The following TRIO variants were observed in gnomAD, a reference collection of about 807,000 sequenced individuals.
TRIO encodes the protein trio Rho guanine nucleotide exchange factor.
In TRIO, 58 loss-of-function variants were observed where a neutral mutation model predicts 351.9. The observed-to-expected ratio is 0.16, with a 90% CI of 0.13 to 0.21. TRIO has a LOEUF of 0.21. Among genes scored for constraint, TRIO ranks in the 10% least tolerant of loss-of-function variants. The pLI, the probability that TRIO is intolerant of heterozygous loss-of-function variation, is 1.00. For synonymous variants in TRIO, 1,758 were observed against 1,595.7 expected (o/e 1.10, Z -2.42); for missense variants, 3,201 against 4,027.8 (o/e 0.79, Z 5.56).
rs759847637 is a variant in TRIO at position 14,390,336 on chromosome 5, A to G, written c.4128+36A>G. On this transcript the variant is annotated intron_variant, in intron 26 of 56. Coordinates refer to ENST00000344204, the MANE Select transcript of TRIO (RefSeq NM_007118.4). ...CTCAACCATTTGTTCTCTCCCAGCT[A>G]TTAGGTGACGTTGAAGGAAGTTAGG... is the stretch of plus-strand genomic sequence containing the variant. 5.0e-6 allele frequency: 8 copies of G among 1,601,728 alleles called. No individual in the cohort carries two copies. The East Asian group carries it at 8.9e-5, about 18-fold the overall frequency.
At chr5:14,488,576 G>T in intron 48 of TRIO, 2 of 497,024 alleles carry the variant, frequency 4.0e-6, no homozygotes. Context: ...CCTTCCTCAC[G>T]CACCTATTTT....
At chr5:14,474,436 A>G (rs1579762357) in intron 40 of TRIO, among the ~76,000 whole-genome samples, 2 of 152,258 alleles carry the variant, frequency 1.3e-5, no homozygotes, top group East Asian at 3.9e-4. Context: ...CTTCATCTGC[A>G]CACCCACATT....
chr5:14,493,332 C>T (rs1756631027), intron 49 of TRIO, among the ~76,000 whole-genome samples: 1 of 151,902 alleles, frequency 6.6e-6, no homozygotes. Flanking sequence ...TTTGTGGCAA[C>T]CCTATGTCAA....
chr5:14,490,677 G>A (rs1756417009), intron 48 of TRIO: 2 of 398,236 alleles, frequency 5.0e-6, no homozygotes, highest in Admixed American at 5.7e-5. Context: ...GTGGGTTGGT[G>A]GTGAGAATTA....
chr5:14,378,898 A>T (rs1277732905), intron 20 of TRIO, among the ~76,000 whole-genome samples: 3 of 152,168 alleles, frequency 2.0e-5, no homozygotes, highest in Non-Finnish European at 2.9e-5. Context: ...AAAAGTGTTG[A>T]TGTATCAAGG....
chr5:14,359,586 A>G, intron 13 of TRIO, 55 bp downstream of exon 13: 1 of 1,588,340 alleles, frequency 6.3e-7, no homozygotes, highest in Non-Finnish European at 8.6e-7. Flanking sequence ...GGCTTCCTCC[A>G]CAGCACCGGC....
chr5:14,263,020 C>T (rs1208372319), intron 1 of TRIO, among the ~76,000 whole-genome samples: 1 of 152,184 alleles, frequency 6.6e-6, no homozygotes, highest in Non-Finnish European at 1.5e-5. Flanking sequence ...TCTATTGATG[C>T]TGCTTGCTCT....
At chr5:14,396,923 AG>A (rs1219535762) in intron 28 of TRIO, 119 bp from the exon 29 acceptor site, 3 of 758,300 alleles carry the variant, frequency 4.0e-6, no homozygotes, top group Non-Finnish European at 4.3e-6. Context: ...ACATATGCCC[AG>A]TTGACCACAT....
chr5:14,152,560 C>T (rs1023640130), intron 1 of TRIO, among the ~76,000 whole-genome samples: 12 of 152,116 alleles, frequency 7.9e-5, no homozygotes, highest in East Asian at 7.7e-4. Context: ...CTAGTAGAGA[C>T]GGGGTTTCAC....
chr5:14,440,861 T>G (rs1001415534), intron 34 of TRIO: 1 of 152,204 alleles, frequency 6.6e-6, no homozygotes, highest in Non-Finnish European at 1.5e-5. Flanking sequence ...GTAAGGAAAT[T>G]GCAGCTCTGG....
chr5:14,435,761 C>CT (rs141666736), intron 34 of TRIO, among the ~76,000 whole-genome samples: 1,574 of 152,322 alleles, frequency 0.01, 18 homozygotes, highest in Non-Finnish European at 0.017. Context: ...CCAGCTGTGG[C>CT]TATCAGGAGC....
intron 9 of TRIO, among the ~76,000 whole-genome samples, chr5:14,319,308 A>T (rs1224881855): frequency 2.0e-5 from 3 of 152,202 alleles, no homozygotes; most frequent in Non-Finnish European, 4.4e-5. Context: ...GTGAACAGGA[A>T]ATTGCTCTGT....
In TRIO at chr5:14,369,438, C is replaced by G. The variant is rs1228082689; in HGVS notation, c.3131C>G (p.Ala1044Gly). The G allele has an allele frequency of 6.2e-6, 10 of 1,613,822 alleles. No homozygotes were observed. The highest frequency in any genetic ancestry group is 8.5e-6 in the Non-Finnish European group (10 of 1,179,924). The change falls in exon 18 of 57, where the codon GCG becomes GGG. Residue 1044 changes from alanine (A) to glycine (G), a missense_variant. Physicochemically the swap from Ala to Gly is moderately conservative, Grantham distance 60 (BLOSUM62 0). This residue lies in a region of TRIO where 363 missense variants were observed against 553.5 expected (regional missense o/e 0.66). Coordinates refer to ENST00000344204, the MANE Select transcript of TRIO (RefSeq NM_007118.4). The part of the protein sequence containing the change: ...YKREEDWCGG[A>G]DKLGPNSETD... ...AGAGAAGAAGACTGGTGTGGCGGGG[C>G]GGATAAGCTGGGCCCAAACTCTGAG...
intron 8 of TRIO, among the ~76,000 whole-genome samples, chr5:14,313,246 C>A (rs1257288753): frequency 6.6e-6 from 1 of 152,176 alleles, no homozygotes; most frequent in African/African-American, 2.4e-5. Flanking sequence ...GAAGGTGGAG[C>A]TTTCCTTAAT....
At chr5:14,145,089 A>G (rs1257220370) in intron 1 of TRIO, among the ~76,000 whole-genome samples, 2 of 151,964 alleles carry the variant, frequency 1.3e-5, no homozygotes, top group Admixed American at 1.3e-4. Flanking sequence ...GGCTGGGGAC[A>G]CCGACAGGCC....
At chr5:14,413,033 G>A (rs995318019) in intron 33 of TRIO, among the ~76,000 whole-genome samples, 1 of 152,196 alleles carries the variant, frequency 6.6e-6, no homozygotes, top group East Asian at 1.9e-4. Context: ...TTCAGTTTCT[G>A]TGTCTCCGTT....
intron 8 of TRIO, among the ~76,000 whole-genome samples, chr5:14,308,194 C>T (rs1738542371): frequency 1.3e-5 from 2 of 152,154 alleles, no homozygotes; most frequent in Admixed American, 1.3e-4. Context: ...TCTTAGCAGA[C>T]AGACTTATGA....
At chr5:14,379,263 A>G (rs1343214597) in intron 20 of TRIO, among the ~76,000 whole-genome samples, 1 of 152,182 alleles carries the variant, frequency 6.6e-6, no homozygotes, top group Non-Finnish European at 1.5e-5. Context: ...CCAGCTTGCA[A>G]CCTCATATGC....
intron 33 of TRIO, among the ~76,000 whole-genome samples, chr5:14,414,235 C>A (rs929401504): frequency 1.3e-5 from 2 of 152,240 alleles, no homozygotes; most frequent in African/African-American, 2.4e-5. Flanking sequence ...GCCTGTGGGG[C>A]CTGCACGGCA....
Sources: gnomAD v4.1 joint callset for allele counts (sites outside exome capture counted in the v4.1 genomes callset) on GRCh38, gnomAD v4.1.1 for gene constraint, gnomAD v4.1.1 regional missense constraint, MANE v1.5 for transcripts, NCBI Gene and HGNC (gene_info 2026-07-23, HGNC 2026-07-21) for gene names.